TOR1AIP1: variants seen among roughly 807,000 people sequenced by gnomAD.
The protein encoded by TOR1AIP1 is torsin-1A-interacting protein 1.
A neutral mutation model predicts 63.3 loss-of-function variants in TOR1AIP1; 54 were observed. That is an observed-to-expected ratio of 0.85 (90% CI 0.69 to 1.07). TOR1AIP1 has a LOEUF of 1.07. Among genes scored for constraint, TOR1AIP1 ranks in the 50% least tolerant of loss-of-function variants. The pLI, the probability that TOR1AIP1 is intolerant of heterozygous loss-of-function variation, is 0.00. For missense variants in TOR1AIP1, 736 were observed against 715.0 expected, an observed-to-expected ratio of 1.03 and a Z score of -0.33; for synonymous variants, 294 against 273.5, an observed-to-expected ratio of 1.07 and a Z score of -0.74.
chr1:179,899,640 C>A (rs748386662), intron 3 of TOR1AIP1, among the ~76,000 whole-genome samples: 70 of 152,092 alleles, frequency 4.6e-4, no homozygotes, highest in Non-Finnish European at 9.1e-4. Context: ...GAAAATTAAA[C>A]ACTTCATTTC....
Position 179,889,157 on chromosome 1 carries a change from G to A in TOR1AIP1, c.554-156G>A, listed in dbSNP as rs16854910. 0.13 allele frequency among the ~76,000 whole-genome samples: 19,019 copies of A among 152,138 alleles called. 1,233 individuals are homozygous for A. The highest frequency in any genetic ancestry group is 0.2 in the Middle Eastern group (58 of 294). On this transcript the variant is annotated intron_variant, in intron 2 of 9. Coordinates refer to ENST00000606911, the MANE Select transcript of TOR1AIP1 (RefSeq NM_015602.4). Reference sequence around the variant, plus strand: ...TCTAGTTCACTATCATCACTAGTTCGCAACAGTTGTCACTTAGAAAGCTTG... The same window carrying A: ...TCTAGTTCACTATCATCACTAGTTCACAACAGTTGTCACTTAGAAAGCTTG...
At chr1:179,898,849 A>AG (rs1426074929) in intron 3 of TOR1AIP1, among the ~76,000 whole-genome samples, 1 of 152,070 alleles carries the variant, frequency 6.6e-6, no homozygotes, top group Non-Finnish European at 1.5e-5. Context: ...AATACACCAG[A>AG]GTCTAGCTCT....
chr1:179,884,775 A>G lies in TOR1AIP1; in HGVS notation c.553+6A>G, dbSNP rs1303467565. 4 of 1,595,928 alleles carry G rather than the reference A, an allele frequency of 2.5e-6. No individual in the cohort carries two copies. The highest frequency in any genetic ancestry group is 2.2e-5 in the East Asian group (1 of 44,554). On this transcript the variant is annotated splice_donor_region_variant and intron_variant, in intron 2 of 9. Coordinates refer to ENST00000606911, the MANE Select transcript of TOR1AIP1 (RefSeq NM_015602.4). ...GAGCATACAAGAGGCTCCAGGTAAG[A>G]ATAGTTAACTTTTTGTTTTTCTCCT...
Position 179,882,641 on chromosome 1 carries a change from ACTC to A in TOR1AIP1, c.144_146del (p.Pro49del), listed in dbSNP as rs776444822. ...CAGCAGCGATGCGCCTGCGTACAGA[ACTC>A]CTCCGTCGCGCCAGGGCCGGCGGGA... On this transcript the variant is annotated inframe_deletion, in exon 1 of 10. Transcript: ENST00000606911. 7.7e-6 allele frequency: 12 copies of A among 1,568,590 alleles called. No homozygotes were observed. The highest frequency in any genetic ancestry group is 1.0e-5 in the Non-Finnish European group (12 of 1,158,522).
intron 8 of TOR1AIP1, among the ~76,000 whole-genome samples, chr1:179,909,326 CATA>C (rs1391125401): frequency 2.0e-5 from 3 of 152,148 alleles, no homozygotes; most frequent in Non-Finnish European, 4.4e-5. Context: ...CATAATTTTA[CATA>C]ATAAAGGCTG....
intron 8 of TOR1AIP1, among the ~76,000 whole-genome samples, chr1:179,910,006 C>T (rs1030260414): frequency 5.3e-5 from 8 of 152,238 alleles, no homozygotes; most frequent in African/African-American, 1.9e-4. Flanking sequence ...TCAAGTGATC[C>T]GCCTGCTTCA....
At chr1:179,884,889 G>A in intron 2 of TOR1AIP1, 120 bp downstream of exon 2, 2 of 666,852 alleles carry the variant, frequency 3.0e-6, no homozygotes, top group Non-Finnish European at 4.9e-6. Flanking sequence ...GTACTCAAGA[G>A]TACCAGCCAC....
chr1:179,887,397 T>TA (rs879888903), intron 2 of TOR1AIP1, among the ~76,000 whole-genome samples: 270 of 144,744 alleles, frequency 1.9e-3, no homozygotes, highest in African/African-American at 5.8e-3. Context: ...AGAGTCCGTC[T>TA]AAAAAAAAAA....
At chr1:179,884,320 C>CT (rs1000574299) in intron 1 of TOR1AIP1, among the ~76,000 whole-genome samples, 175 of 151,900 alleles carry the variant, frequency 1.2e-3, no homozygotes, top group African/African-American at 4.2e-3. Context: ...TACAGGCTAA[C>CT]TTTTTTTTAA....
At chr1:179,887,908 G>A (rs763358475) in intron 2 of TOR1AIP1, 1 of 152,134 alleles carries the variant, frequency 6.6e-6, no homozygotes, top group Non-Finnish European at 1.5e-5. Flanking sequence ...TGATTTGAGG[G>A]TGCAGTGGTG....
chr1:179,882,910 G>A lies in TOR1AIP1; in HGVS notation c.408G>A (p.Glu136=), dbSNP rs769427075. The A allele has an allele frequency of 1.9e-6, 3 of 1,614,042 alleles. No homozygotes were observed. Among genetic ancestry groups the A allele is most frequent in the South Asian group, 1.1e-5 (1 of 91,082 alleles). ...CCCGCCTTCAGCAGCAGCACTCAGA[G>A]CAGCCTCCGCTACAGCCGTCTCCTG... The part of the protein sequence containing the change: ...RTTRLQQQHS[E]QPPLQPSPVM... The change falls in exon 1 of 10, where the codon GAG becomes GAA. Residue 136 remains glutamate (E), a synonymous_variant. Coordinates refer to ENST00000606911, the MANE Select transcript of TOR1AIP1 (RefSeq NM_015602.4).
chr1:179,912,468 A>G (rs1387879745), intron 8 of TOR1AIP1, among the ~76,000 whole-genome samples: 4 of 152,202 alleles, frequency 2.6e-5, no homozygotes, highest in Non-Finnish European at 2.9e-5. Context: ...TATGAATTAT[A>G]TAAATATTAT....
chr1:179,899,325 T>C (rs1047947400), intron 3 of TOR1AIP1, among the ~76,000 whole-genome samples: 1 of 152,072 alleles, frequency 6.6e-6, no homozygotes, highest in Non-Finnish European at 1.5e-5. Flanking sequence ...TTATTTGATG[T>C]GTTTTGCTTG....
chr1:179,893,422 G>A (rs1223015281), intron 3 of TOR1AIP1, among the ~76,000 whole-genome samples: 4 of 152,006 alleles, frequency 2.6e-5, no homozygotes, highest in Non-Finnish European at 5.9e-5. Flanking sequence ...GTTCTCAAAA[G>A]CGTGATTGGC....
intron 1 of TOR1AIP1, 199 bp downstream of exon 1, chr1:179,883,176 G>A (rs750610171): frequency 2.1e-5 from 13 of 612,588 alleles, no homozygotes; most frequent in Middle Eastern, 4.4e-4. Flanking sequence ...CCGACCGGAG[G>A]AGTGGAAAGA....
rs780125585 is a variant in TOR1AIP1, at chr1:179,882,537, G to A, written c.35G>A (p.Arg12Gln). The change falls in exon 1 of 10, where the codon CGG becomes CAG. Residue 12 changes from arginine (R) to glutamine (Q), a missense_variant. Physicochemically the swap from Arg to Gln is conservative, Grantham distance 43. Around this residue, in one of 2 missense-constraint regions of TOR1AIP1, gnomAD observed 464 missense variants for 371.0 expected, o/e 1.25. Coordinates refer to ENST00000606911, the MANE Select transcript of TOR1AIP1 (RefSeq NM_015602.4). ...GACGGGCGGCGGGCAGAGGCGGTGC[G>A]GGAAGGATGGGGTGTGTACGTCACC... Reference protein sequence around the residue: ...AGDGRRAEAVREGWGVYVTPR... With the variant: ...AGDGRRAEAVQEGWGVYVTPR... 13 of 1,476,324 alleles carry A rather than the reference G, an allele frequency of 8.8e-6. No individual in the cohort carries two copies. The highest frequency in any genetic ancestry group is 9.0e-6 in the Non-Finnish European group (10 of 1,115,088). The allele number at this position is 1,476,324 out of a possible 1,614,324, so 91.5% of individuals were successfully genotyped here.
rs2148475927 is a variant in TOR1AIP1 at position 179,898,781 on chromosome 1, C to A, written c.611-1345C>A. ...CGTTTGACTTTTCCTTTTTCTCCCTCAAAAAAGAGAAAAAGAAAGGACAGT... is the reference window on the plus strand; with the variant it reads ...CGTTTGACTTTTCCTTTTTCTCCCTAAAAAAAGAGAAAAAGAAAGGACAGT... On this transcript the variant is annotated intron_variant, in intron 3 of 9. Transcript: ENST00000606911. 2.0e-5 allele frequency among the ~76,000 whole-genome samples: 3 copies of A among 151,884 alleles called. No individual in the cohort carries two copies. The South Asian group carries it at 6.2e-4, about 32-fold the overall frequency.
chr1:179,883,855 G>A, intron 1 of TOR1AIP1: 4 of 325,128 alleles, frequency 1.2e-5, no homozygotes, highest in South Asian at 9.3e-5. Context: ...CTAACACTGA[G>A]TCACAGATGA....
intron 2 of TOR1AIP1, among the ~76,000 whole-genome samples, chr1:179,885,050 C>T (rs988741982): frequency 2.0e-5 from 3 of 152,188 alleles, no homozygotes; most frequent in Non-Finnish European, 4.4e-5. Flanking sequence ...TTTACTTTCC[C>T]CCCAAGTGCC....
Sources: allele counts gnomAD v4.1 joint callset (sites outside exome capture counted in the v4.1 genomes callset), GRCh38; gene constraint gnomAD v4.1.1; regional missense constraint gnomAD v4.1.1; transcripts MANE v1.5; gene names NCBI Gene and HGNC (gene_info 2026-07-23, HGNC 2026-07-21).